The following SEMA4D variants were observed in gnomAD, a reference collection of about 807,000 sequenced individuals.
The protein encoded by SEMA4D is semaphorin 4D, also known as semaphorin-4D.
SEMA4D carries 22 observed loss-of-function variants against 74.8 expected under a neutral mutation model. The ratio of observed to expected loss-of-function variants is 0.29; its 90% CI spans 0.21 to 0.42. The LOEUF (loss-of-function observed/expected upper bound fraction) is 0.42, where lower values mean the gene tolerates loss of function less well. SEMA4D is among the 10% of genes least tolerant of loss of function. The pLI is 1.00. For missense variants in SEMA4D, 937 were observed against 1,118.4 expected, an observed-to-expected ratio of 0.84 and a Z score of 2.31; for synonymous variants, 445 against 463.7, an observed-to-expected ratio of 0.96 and a Z score of 0.52.
intron 2 of SEMA4D, among the ~76,000 whole-genome samples, chr9:89,415,708 A>G (rs1420151295): frequency 6.6e-6 from 1 of 151,986 alleles, no homozygotes; most frequent in Non-Finnish European, 1.5e-5. Flanking sequence ...GAATGGATAA[A>G]TAAATGTCTG....
At position 89,392,484 on chromosome 9, in the gene SEMA4D, G is replaced by A; in HGVS notation, c.561C>T (p.Ile187=). The change falls in exon 8 of 16, where the codon ATC becomes ATT. Residue 187 remains isoleucine (I), a synonymous_variant. Coordinates refer to ENST00000422704, the MANE Select transcript of SEMA4D (RefSeq NM_001371194.2). ...TSYNFLGSEP[I]ISRNSSHSPL... ...GACTGTGGGAAGAATTTCGGGAGATGATGGGTTCACTTCCCAAAAAATTAT... is the reference window on the plus strand; with the variant it reads ...GACTGTGGGAAGAATTTCGGGAGATAATGGGTTCACTTCCCAAAAAATTAT... 1.9e-6 allele frequency: 3 copies of A among 1,613,928 alleles called. No homozygotes were observed. Among genetic ancestry groups the A allele is most frequent in the Non-Finnish European group, 1.7e-6 (2 of 1,179,846 alleles).
At chr9:89,367,336 CA>C (rs753149080) in intron 16 of SEMA4D, 3 of 152,278 alleles carry the variant, frequency 2.0e-5, no homozygotes, top group Non-Finnish European at 4.4e-5. Context: ...TTCCATCTCC[CA>C]GCAGGGCCTC....
intron 2 of SEMA4D, among the ~76,000 whole-genome samples, chr9:89,424,009 T>C (rs1372377004): frequency 3.8e-5 from 3 of 78,770 alleles, no homozygotes; most frequent in Admixed American, 1.4e-4. Flanking sequence ...CTCCCCTCCC[T>C]CCCTACTCCC....
At chr9:89,428,427 G>C (rs1469532948) in intron 2 of SEMA4D, among the ~76,000 whole-genome samples, 1 of 152,254 alleles carries the variant, frequency 6.6e-6, no homozygotes, top group African/African-American at 2.4e-5. Flanking sequence ...AGCCACCAGA[G>C]AGGGTGCCAG....
At chr9:89,424,222 A>G (rs1847635054) in intron 2 of SEMA4D, among the ~76,000 whole-genome samples, 1 of 152,200 alleles carries the variant, frequency 6.6e-6, no homozygotes, top group Admixed American at 6.5e-5. Flanking sequence ...ACAAATGAGG[A>G]CTGTAAGGCA....
chr9:89,371,782 CG>C (rs1834919384), intron 16 of SEMA4D, among the ~76,000 whole-genome samples: 2 of 13,024 alleles, frequency 1.5e-4, no homozygotes, highest in African/African-American at 6.7e-4. Flanking sequence ...TGGTGTGTGT[CG>C]GGGTGTGTTT....
intron 2 of SEMA4D, among the ~76,000 whole-genome samples, chr9:89,441,504 G>A (rs28457610): frequency 0.031 from 4,746 of 152,342 alleles, 132 homozygotes; most frequent in Middle Eastern, 0.078. Context: ...TGTCGGTACC[G>A]GCCAGGCCCC....
intron 1 of SEMA4D, among the ~76,000 whole-genome samples, chr9:89,459,791 C>T (rs1388629394): frequency 3.3e-5 from 5 of 152,188 alleles, no homozygotes; most frequent in Non-Finnish European, 5.9e-5. Context: ...GAAAGGCCCA[C>T]ACGCCACAAG....
Position 89,452,112 on chromosome 9 carries a change from C to T in SEMA4D, c.-244+3776G>A, listed in dbSNP as rs58027130. On this transcript the variant is annotated intron_variant, in intron 2 of 15. Coordinates refer to ENST00000422704, the MANE Select transcript of SEMA4D (RefSeq NM_001371194.2). The stretch of plus-strand genomic sequence containing the variant: ...TTACTATAAATGAACCCTTGGCCAC[C>T]GGCCCCTCCTGTGTGCCAGAGGCAG... Among the ~76,000 whole-genome samples, 1,330 of 151,866 alleles carry T rather than the reference C, an allele frequency of 8.8e-3. 20 individuals carry two copies. Among genetic ancestry groups the T allele is most frequent in the African/African-American group, 0.03 (1,260 of 41,380 alleles).
At chr9:89,461,322 G>A (rs1433282754) in intron 1 of SEMA4D, among the ~76,000 whole-genome samples, 2 of 152,132 alleles carry the variant, frequency 1.3e-5, no homozygotes, top group African/African-American at 4.8e-5. Flanking sequence ...GCAGAAATTG[G>A]GACCGGTAAT....
At chr9:89,387,046 C>G (rs1293463992) in intron 12 of SEMA4D, 5 of 254,052 alleles carry the variant, frequency 2.0e-5, no homozygotes, top group Non-Finnish European at 3.8e-5. Flanking sequence ...AAACGCCAGG[C>G]TGACGCCTCC....
downstream of SEMA4D, among the ~76,000 whole-genome samples, chr9:89,374,685 T>C (rs1199774060): frequency 1.3e-5 from 2 of 152,208 alleles, no homozygotes; most frequent in South Asian, 4.1e-4. Flanking sequence ...CCATCTTTCA[T>C]TCCCTGCTGA....
chr9:89,480,763 G>A (rs1318891557), intron 1 of SEMA4D, among the ~76,000 whole-genome samples: 1 of 152,240 alleles, frequency 6.6e-6, no homozygotes, highest in Non-Finnish European at 1.5e-5. Context: ...TGGCCCGCAA[G>A]TGCCGCACAC....
intron 1 of SEMA4D, among the ~76,000 whole-genome samples, chr9:89,461,434 A>G (rs1205871914): frequency 6.6e-6 from 1 of 152,100 alleles, no homozygotes; most frequent in Non-Finnish European, 1.5e-5. Flanking sequence ...CGGGCTCCAA[A>G]TTGTATGTTT....
rs189101194 is a variant in SEMA4D, at chr9:89,497,667, C to T, written c.-310+252G>A. ...GGCCGGGGAGGGATAGCAGAGAGGT[C>T]CAGGGGGTCGGAGGGGTCCGGGTAG... On this transcript the variant is annotated intron_variant, in intron 1 of 15. Coordinates refer to ENST00000422704, the MANE Select transcript of SEMA4D (RefSeq NM_001371194.2). 3.0e-3 allele frequency among the ~76,000 whole-genome samples: 455 copies of T among 151,616 alleles called. 3 individuals are homozygous for T. Among genetic ancestry groups the T allele is most frequent in the African/African-American group, 0.01 (432 of 41,436 alleles).
In SEMA4D at chr9:89,420,092, T is replaced by C. The variant is rs145365676; in HGVS notation, c.-243-14393A>G. On this transcript the variant is annotated intron_variant, in intron 2 of 15. Transcript: ENST00000422704. The stretch of plus-strand genomic sequence containing the variant: ...AGCAGGTCTGGGTTCTCATCTCAAT[T>C]GCCTCCAACAACTCCACCTGAACAC... Among the ~76,000 whole-genome samples the C allele has an allele frequency of 2.4e-3, 372 of 152,296 alleles. 2 individuals carry two copies. The highest frequency in any genetic ancestry group is 8.1e-3 in the African/African-American group (338 of 41,566).
At chr9:89,423,498 C>G (rs1315356141) in intron 2 of SEMA4D, among the ~76,000 whole-genome samples, 2 of 152,132 alleles carry the variant, frequency 1.3e-5, no homozygotes, top group Non-Finnish European at 2.9e-5. Flanking sequence ...CCAGCTCAAA[C>G]ATTTTTTATG....
chr9:89,366,438 T>C (rs1473898140), intron 16 of SEMA4D, among the ~76,000 whole-genome samples: 1 of 152,236 alleles, frequency 6.6e-6, no homozygotes, highest in Non-Finnish European at 1.5e-5. Context: ...GCTCCAAAAC[T>C]GTTTTGCCTG....
rs189364980 is a variant in SEMA4D, at chr9:89,470,319, A to T, written c.-309-14366T>A. Among the ~76,000 whole-genome samples, 5 of 152,386 alleles carry T rather than the reference A, an allele frequency of 3.3e-5. No individual in the cohort carries two copies. The East Asian group carries it at 9.6e-4, about 29-fold the overall frequency. ...AAATAAACAACTCAATTAAAATATGAGCAAGACTTCAACAGATACTTCACC... is the reference window on the plus strand; with the variant it reads ...AAATAAACAACTCAATTAAAATATGTGCAAGACTTCAACAGATACTTCACC... On this transcript the variant is annotated intron_variant, in intron 1 of 15. Transcript: ENST00000422704.
Sources: gnomAD v4.1 joint callset for allele counts (sites outside exome capture counted in the v4.1 genomes callset) on GRCh38, gnomAD v4.1.1 for gene constraint, MANE v1.5 for transcripts, NCBI Gene and HGNC (gene_info 2026-07-23, HGNC 2026-07-21) for gene names.